Variants in CCSER1 observed in about 807,000 individuals in gnomAD.
CCSER1 encodes the protein serine-rich coiled-coil domain-containing protein 1.
In CCSER1, 41 loss-of-function variants were observed where a neutral mutation model predicts 82.0. The ratio of observed to expected loss-of-function variants is 0.50; its 90% CI spans 0.39 to 0.65. CCSER1 has a LOEUF of 0.65. CCSER1 is among the 30% of genes least tolerant of loss of function. CCSER1 has a pLI of 0.00. For synonymous variants in CCSER1, 414 were observed against 383.9 expected (o/e 1.08, Z -0.92); for missense variants, 1,119 against 1,064.2 (o/e 1.05, Z -0.72).
intron 10 of CCSER1, among the ~76,000 whole-genome samples, chr4:91,414,184 T>G (rs566336268): frequency 2.6e-5 from 4 of 151,948 alleles, no homozygotes; most frequent in African/African-American, 9.7e-5. Flanking sequence ...TACTTTTAAC[T>G]TTAACAGAAA....
At chr4:90,238,733 C>A (rs543103494) in intron 1 of CCSER1, among the ~76,000 whole-genome samples, 1 of 152,174 alleles carries the variant, frequency 6.6e-6, no homozygotes, top group Non-Finnish European at 1.5e-5. Context: ...CTCTGTAATA[C>A]TATAAAGAAC....
At chr4:90,871,513 T>C (rs1438989785) in intron 8 of CCSER1, among the ~76,000 whole-genome samples, 1 of 151,872 alleles carries the variant, frequency 6.6e-6, no homozygotes, top group Non-Finnish European at 1.5e-5. Flanking sequence ...TTTTATTCCA[T>C]TGTAGTTAGA....
intron 10 of CCSER1, among the ~76,000 whole-genome samples, chr4:91,471,436 G>C (rs1019594503): frequency 6.6e-6 from 1 of 152,142 alleles, no homozygotes; most frequent in Non-Finnish European, 1.5e-5. Flanking sequence ...GATCATTCAG[G>C]TTCACCGTGA....
intron 9 of CCSER1, among the ~76,000 whole-genome samples, chr4:91,048,485 G>A (rs1336261208): frequency 2.0e-5 from 3 of 151,962 alleles, no homozygotes; most frequent in South Asian, 2.1e-4. Flanking sequence ...GTTTCAAAAC[G>A]GGGACTTCAA....
At chr4:91,436,096 G>T (rs1754631935) in intron 10 of CCSER1, among the ~76,000 whole-genome samples, 1 of 152,040 alleles carries the variant, frequency 6.6e-6, no homozygotes, top group African/African-American at 2.4e-5. Context: ...TATATTATTA[G>T]GTTGGTTCAA....
At position 90,990,363 on chromosome 4, in the gene CCSER1, A is replaced by C. The variant is rs573085909; in HGVS notation, c.2172+66916A>C. Among the ~76,000 whole-genome samples, 13 of 152,080 alleles carry C rather than the reference A, an allele frequency of 8.5e-5. 1 individual carries two copies. In the South Asian group the frequency reaches 2.7e-3, roughly 32 times the overall value. Reference sequence around the variant, plus strand: ...ATGTTCTTCTTAAAATACGATGTACATAACCAAACACAGTATTTTGTGCTC... The same window carrying C: ...ATGTTCTTCTTAAAATACGATGTACCTAACCAAACACAGTATTTTGTGCTC... On this transcript the variant is annotated intron_variant, in intron 9 of 10. Coordinates refer to ENST00000509176, the MANE Select transcript of CCSER1 (RefSeq NM_001145065.2).
intron 10 of CCSER1, among the ~76,000 whole-genome samples, chr4:91,567,461 T>C (rs1762944900): frequency 1.3e-5 from 2 of 152,144 alleles, no homozygotes; most frequent in Non-Finnish European, 2.9e-5. Flanking sequence ...TTCAGTTATC[T>C]AATACTGTCA....
intron 10 of CCSER1, among the ~76,000 whole-genome samples, chr4:91,419,694 GA>G (rs1753584704): frequency 6.6e-6 from 1 of 151,846 alleles, no homozygotes; most frequent in South Asian, 2.1e-4. Flanking sequence ...CAGAATAATA[GA>G]AAAAAATCTA....
intron 5 of CCSER1, among the ~76,000 whole-genome samples, chr4:90,535,885 CA>C: frequency 6.6e-6 from 1 of 152,166 alleles, no homozygotes; most frequent in Middle Eastern, 3.4e-3. Context: ...CTATTAATCA[CA>C]TTAATTACAG....
chr4:91,461,239 T>C (rs1756482843), intron 10 of CCSER1, among the ~76,000 whole-genome samples: 1 of 152,224 alleles, frequency 6.6e-6, no homozygotes, highest in African/African-American at 2.4e-5. Context: ...AGCTAAAATT[T>C]ATTAAGCACT....
intron 7 of CCSER1, among the ~76,000 whole-genome samples, chr4:90,780,276 C>T (rs924137132): frequency 3.9e-5 from 6 of 152,076 alleles, no homozygotes; most frequent in African/African-American, 1.4e-4. Context: ...AGGAGATAGA[C>T]CAGAATCCTA....
At chr4:91,521,655 T>G (rs1560735175) in intron 10 of CCSER1, among the ~76,000 whole-genome samples, 1 of 152,258 alleles carries the variant, frequency 6.6e-6, no homozygotes, top group Non-Finnish European at 1.5e-5. Flanking sequence ...CTTTCATGTG[T>G]CTGTTGGCTG....
intron 10 of CCSER1, among the ~76,000 whole-genome samples, chr4:91,178,791 AT>A (rs983729319): frequency 2.6e-5 from 4 of 151,992 alleles, no homozygotes; most frequent in African/African-American, 9.7e-5. Context: ...TAATGAGGGC[AT>A]TTAGTCCATT....
At chr4:90,519,230 GTTTT>G (rs916352505) in intron 5 of CCSER1, among the ~76,000 whole-genome samples, 1 of 151,522 alleles carries the variant, frequency 6.6e-6, no homozygotes, top group Non-Finnish European at 1.5e-5. Context: ...GAATAATATA[GTTTT>G]TTATTAAAAA....
At position 91,165,479 on chromosome 4, in the gene CCSER1, G is replaced by A. The variant is rs112856901; in HGVS notation, c.2217+79485G>A. Among the ~76,000 whole-genome samples, 1,290 of 152,288 alleles carry A rather than the reference G, an allele frequency of 8.5e-3. 18 individuals carry two copies. The highest frequency in any genetic ancestry group is 0.029 in the African/African-American group (1,212 of 41,564). On this transcript the variant is annotated intron_variant, in intron 10 of 10. Coordinates refer to ENST00000509176, the MANE Select transcript of CCSER1 (RefSeq NM_001145065.2). Reference sequence around the variant, plus strand: ...CTCTTCAGAACTGTCAGACAGGGACGTTTAAGTCTGCAGAAGTTTCTGCTG... The same window carrying A: ...CTCTTCAGAACTGTCAGACAGGGACATTTAAGTCTGCAGAAGTTTCTGCTG...
intron 10 of CCSER1, among the ~76,000 whole-genome samples, chr4:91,561,080 CTA>C (rs372528880): frequency 1.1e-3 from 172 of 151,500 alleles, no homozygotes; most frequent in Non-Finnish European, 1.6e-3. Context: ...CTCTCCTAAC[CTA>C]TAACAATAGC....
intron 9 of CCSER1, among the ~76,000 whole-genome samples, chr4:90,945,320 C>G (rs1023398544): frequency 1.3e-5 from 2 of 152,030 alleles, no homozygotes; most frequent in Admixed American, 6.6e-5. Flanking sequence ...AGAATTAGCC[C>G]TGATAGAATA....
chr4:90,712,685 T>A (rs1740857112), intron 6 of CCSER1, among the ~76,000 whole-genome samples: 1 of 151,986 alleles, frequency 6.6e-6, no homozygotes, highest in African/African-American at 2.4e-5. Context: ...AGGTCCTGAA[T>A]ATTTTTGTTA....
chr4:90,611,394 A>C (rs2148823713), intron 5 of CCSER1, among the ~76,000 whole-genome samples: 1 of 152,202 alleles, frequency 6.6e-6, no homozygotes, highest in South Asian at 2.1e-4. Context: ...CAGAGGTTGA[A>C]GGCACAGTGC....
Sources: gnomAD v4.1 joint callset for allele counts (sites outside exome capture counted in the v4.1 genomes callset) on GRCh38, gnomAD v4.1.1 for gene constraint, MANE v1.5 for transcripts, NCBI Gene and HGNC (gene_info 2026-07-23, HGNC 2026-07-21) for gene names.